The following DYNC2H1 variants were observed in gnomAD, a reference collection of about 807,000 sequenced individuals.
DYNC2H1 encodes the protein dynein cytoplasmic 2 heavy chain 1.
Under a neutral mutation model 570.0 loss-of-function variants are expected in DYNC2H1, and 410 were observed. That is an observed-to-expected ratio of 0.72 (90% CI 0.66 to 0.78). DYNC2H1 has a LOEUF of 0.78. Among genes scored for constraint, DYNC2H1 ranks in the 30% least tolerant of loss-of-function variants. The probability of loss-of-function intolerance (pLI) is 0.00; values close to 1 mark genes in which losing one functional copy is unlikely to be tolerated. For synonymous variants in DYNC2H1, 1,688 were observed against 1,677.6 expected (o/e 1.01, Z -0.15); for missense variants, 4,865 against 5,046.4 (o/e 0.96, Z 1.09).
intron 70 of DYNC2H1, among the ~76,000 whole-genome samples, chr11:103,276,536 G>A (rs776589786): frequency 6.6e-5 from 10 of 151,896 alleles, no homozygotes; most frequent in East Asian, 1.9e-4. Flanking sequence ...AATGATACAA[G>A]CTTATTTTTA....
chr11:103,377,956 G>A (rs765563060), intron 83 of DYNC2H1, among the ~76,000 whole-genome samples: 3 of 152,112 alleles, frequency 2.0e-5, no homozygotes, highest in South Asian at 2.1e-4. Context: ...AGCTGGTCTC[G>A]AACTCCTGGC....
At position 103,251,819 on chromosome 11, in the gene DYNC2H1, T is replaced by A. The variant is rs189983816; in HGVS notation, c.10043-1466T>A. On this transcript the variant is annotated intron_variant, in intron 65 of 88. Transcript: ENST00000375735. ...TACTTTGTATAATGTTTTCCAGGTT[T>A]ATACATGTTATGGCAAATGGCAGGA... Among the ~76,000 whole-genome samples, 23 of 152,332 alleles carry A rather than the reference T, an allele frequency of 1.5e-4. No individual in the cohort carries two copies. The East Asian group carries it at 3.7e-3, about 24-fold the overall frequency.
chr11:103,342,379 G>A (rs188755), intron 82 of DYNC2H1, among the ~76,000 whole-genome samples: 49,937 of 151,974 alleles, frequency 0.33, 9,687 homozygotes, highest in Non-Finnish European at 0.43. Context: ...GGACAAATAA[G>A]GGAATAAAAG....
At chr11:103,385,301 G>A (rs1941825432) in intron 83 of DYNC2H1, among the ~76,000 whole-genome samples, 2 of 151,946 alleles carry the variant, frequency 1.3e-5, no homozygotes, top group Non-Finnish European at 2.9e-5. Context: ...GATATTGGAT[G>A]TATGTTAGAC....
chr11:103,312,496 C>T (rs566619560), intron 79 of DYNC2H1, among the ~76,000 whole-genome samples: 1 of 129,022 alleles, frequency 7.8e-6, no homozygotes, highest in Non-Finnish European at 1.6e-5. Context: ...GAGCCGAGAT[C>T]ACGCCATTGC....
chr11:103,380,624 G>C (rs1041400529), intron 83 of DYNC2H1, among the ~76,000 whole-genome samples: 8 of 152,074 alleles, frequency 5.3e-5, no homozygotes, highest in Non-Finnish European at 8.8e-5. Flanking sequence ...ACAGTGGTGC[G>C]ATCTCAGCTC....
chr11:103,419,821 G>A (rs1196812506), intron 84 of DYNC2H1, among the ~76,000 whole-genome samples: 7 of 152,086 alleles, frequency 4.6e-5, no homozygotes. Flanking sequence ...CAGAAGGTGT[G>A]TAATAACGAA....
rs1861503282 is a variant in DYNC2H1, at chr11:103,169,995, CTT to C, written c.4969-111_4969-110del. ...TTTGGATATTTTTCTGTGTTAAAAACTTTAACCTGTTTGTTGCATTTTTATCT... is the reference window on the plus strand; with the variant it reads ...TTTGGATATTTTTCTGTGTTAAAAACTAACCTGTTTGTTGCATTTTTATCT... On this transcript the variant is annotated intron_variant, in intron 32 of 88. Coordinates refer to ENST00000375735, the MANE Select transcript of DYNC2H1 (RefSeq NM_001377.3). The C allele has an allele frequency of 4.8e-6, 5 of 1,045,266 alleles. No homozygotes were observed. The East Asian group carries it at 1.5e-4, about 32-fold the overall frequency. 64.7% of individuals were successfully genotyped at this position (1,045,266 alleles called of 1,614,324 possible).
At chr11:103,248,848 A>T (rs1239616130) in intron 65 of DYNC2H1, among the ~76,000 whole-genome samples, 1 of 151,960 alleles carries the variant, frequency 6.6e-6, no homozygotes, top group Admixed American at 6.6e-5. Context: ...GTATCCAAGC[A>T]CCCCAAATGT....
chr11:103,429,289 G>C (rs1006844826), intron 84 of DYNC2H1, among the ~76,000 whole-genome samples: 1 of 151,862 alleles, frequency 6.6e-6, no homozygotes, highest in East Asian at 1.9e-4. Context: ...AAAAACCTGA[G>C]GTTAGTTTTT....
At position 103,264,745 on chromosome 11, in the gene DYNC2H1, G is replaced by C. The variant is rs1238942251; in HGVS notation, c.10695+4768G>C. On this transcript the variant is annotated intron_variant, in intron 70 of 88. Transcript: ENST00000375735. This position sits in a 1 kb window ranked among gnomAD's most constrained non-coding sequence, Gnocchi z 4.8. ...CCACAGCCAATGTCATACCGAATGT[G>C]AATCAATATCAGTATCATACTGAAT... Among the ~76,000 whole-genome samples the C allele has an allele frequency of 1.3e-5, 2 of 152,132 alleles. No homozygotes were observed. Among genetic ancestry groups the C allele is most frequent in the Non-Finnish European group, 2.9e-5 (2 of 68,026 alleles).
At chr11:103,337,258 G>A (rs1401366986) in intron 82 of DYNC2H1, among the ~76,000 whole-genome samples, 1 of 152,156 alleles carries the variant, frequency 6.6e-6, no homozygotes, top group African/African-American at 2.4e-5. Flanking sequence ...CTGGCTTGCT[G>A]TCAATAAATA....
chr11:103,308,837 A>G (rs1867427149), intron 78 of DYNC2H1, among the ~76,000 whole-genome samples: 1 of 151,998 alleles, frequency 6.6e-6, no homozygotes, highest in Non-Finnish European at 1.5e-5. Context: ...AAAATTATTT[A>G]ATTTTTTGCT....
At chr11:103,332,575 A>C (rs533539731) in intron 82 of DYNC2H1, among the ~76,000 whole-genome samples, 1 of 152,316 alleles carries the variant, frequency 6.6e-6, no homozygotes, top group East Asian at 1.9e-4. Flanking sequence ...ACAAGAAACA[A>C]ATATTAGAGC....
rs1858794973 is a variant in DYNC2H1 at position 103,122,950 on chromosome 11, T to C, written c.1611T>C (p.Asp537=). The C allele has an allele frequency of 1.2e-6, 2 of 1,608,810 alleles. No individual in the cohort carries two copies. The highest frequency in any genetic ancestry group is 1.7e-6 in the Non-Finnish European group (2 of 1,176,980). ...LKLYEQEQFD[D]WSRDIQSGLS... The stretch of plus-strand genomic sequence containing the variant: ...TATATGAACAGGAACAATTTGATGA[T>C]TGGTCCAGGGATATTCAATCAGGTT... The change falls in exon 11 of 89, where the codon GAT becomes GAC. Residue 537 remains aspartate, a synonymous_variant. Coordinates refer to ENST00000375735, the MANE Select transcript of DYNC2H1 (RefSeq NM_001377.3).
intron 17 of DYNC2H1, among the ~76,000 whole-genome samples, chr11:103,141,644 G>A (rs1339885149): frequency 1.3e-5 from 2 of 152,158 alleles, no homozygotes; most frequent in Non-Finnish European, 2.9e-5. Context: ...AGGCTGCTCA[G>A]GGGTCAGGGG....
intron 82 of DYNC2H1, among the ~76,000 whole-genome samples, chr11:103,347,803 T>C (rs1331935231): frequency 6.6e-6 from 1 of 152,106 alleles, no homozygotes; most frequent in Non-Finnish European, 1.5e-5. Flanking sequence ...CCCCTATTAC[T>C]GCAGTGTTGA....
intron 75 of DYNC2H1, 88 bp downstream of exon 75, chr11:103,287,693 G>T: frequency 9.4e-7 from 1 of 1,069,110 alleles, no homozygotes; most frequent in Non-Finnish European, 1.4e-6. Context: ...CCTGAGTTTA[G>T]AAATGTTATA....
intron 59 of DYNC2H1, among the ~76,000 whole-genome samples, chr11:103,223,606 G>A (rs187216256): frequency 6.9e-6 from 1 of 145,200 alleles, no homozygotes; most frequent in Non-Finnish European, 1.5e-5. Flanking sequence ...GGCTGGTCTT[G>A]AACTCCTGAC....
Sources: gnomAD v4.1 joint callset for allele counts (sites outside exome capture counted in the v4.1 genomes callset) on GRCh38, gnomAD v4.1.1 for gene constraint, Gnocchi (gnomAD v3.1) non-coding constraint, MANE v1.5 for transcripts, NCBI Gene and HGNC (gene_info 2026-07-23, HGNC 2026-07-21) for gene names.